ZNF420: variants seen among roughly 807,000 people sequenced by gnomAD.
The protein encoded by ZNF420 is ATM and p53-associated KZNF protein.
In ZNF420, 31 loss-of-function variants were observed where a neutral mutation model predicts 44.7. The observed-to-expected ratio is 0.69, with a 90% CI of 0.52 to 0.94. The LOEUF is 0.94. Ranked by LOEUF, ZNF420 falls within the 40% of genes least tolerant of loss-of-function variation. The pLI, the probability that ZNF420 is intolerant of heterozygous loss-of-function variation, is 0.00. For missense variants in ZNF420, 681 were observed against 827.9 expected, an observed-to-expected ratio of 0.82 and a Z score of 2.18; for synonymous variants, 245 against 267.4, an observed-to-expected ratio of 0.92 and a Z score of 0.82.
At chr19:37,120,367 A>G (rs1268313972) in intron 4 of ZNF420, among the ~76,000 whole-genome samples, 1 of 151,868 alleles carries the variant, frequency 6.6e-6, no homozygotes, top group African/African-American at 2.4e-5. Flanking sequence ...AACCAAAGAC[A>G]AAAACCACAT....
In ZNF420 at chr19:37,124,658, G is replaced by GT. The variant is rs58942754; in HGVS notation, c.137-2460dup. On this transcript the variant is annotated intron_variant, in intron 4 of 4. Coordinates refer to ENST00000337995, the MANE Select transcript of ZNF420 (RefSeq NM_144689.5). ...ACTCCTTCCCTTATATTGGATAATT[G>GT]TTTTTTTTTTCTTTTTCTTTTTTTA... 7.0e-4 allele frequency among the ~76,000 whole-genome samples: 105 copies of GT among 149,924 alleles called. No homozygotes were observed. The South Asian group carries it at 9.7e-3, about 14-fold the overall frequency.
intron 1 of ZNF420, among the ~76,000 whole-genome samples, chr19:37,031,380 G>C (rs556251833): frequency 1.1e-3 from 163 of 152,256 alleles, no homozygotes; most frequent in African/African-American, 3.9e-3. Context: ...GAAGTCCTCT[G>C]TATGCCCCTA....
intron 1 of ZNF420, chr19:37,008,219 G>C (rs1360230646): frequency 1.8e-5 from 5 of 279,492 alleles, no homozygotes; most frequent in Admixed American, 1.0e-4. Context: ...TGGGGCGGGC[G>C]GGGGGGGATG....
At chr19:37,022,913 G>A (rs2074660359) in intron 1 of ZNF420, among the ~76,000 whole-genome samples, 2 of 152,114 alleles carry the variant, frequency 1.3e-5, no homozygotes, top group African/African-American at 4.8e-5. Flanking sequence ...CGAAGCAAGC[G>A]GATCACAAGG....
chr19:37,071,293 A>G (rs1434520065), intron 1 of ZNF420, among the ~76,000 whole-genome samples: 3 of 152,236 alleles, frequency 2.0e-5, no homozygotes, highest in African/African-American at 7.2e-5. Flanking sequence ...CAGGAACATA[A>G]TGTTGACAAA....
chr19:37,012,764 C>CTGTGTGTGTGTGTG (rs759249724), intron 1 of ZNF420, among the ~76,000 whole-genome samples: 21 of 132,368 alleles, frequency 1.6e-4, no homozygotes, highest in African/African-American at 5.8e-4. Flanking sequence ...TGCTATATGT[C>CTGTGTGTGTGTGTG]TCTGTGTGTG....
intron 4 of ZNF420, among the ~76,000 whole-genome samples, chr19:37,097,947 G>C (rs1439833138): frequency 2.6e-5 from 4 of 152,086 alleles, no homozygotes; most frequent in Non-Finnish European, 5.9e-5. Context: ...TTCAACAACA[G>C]TTATGTACGA....
intron 3 of ZNF420, among the ~76,000 whole-genome samples, chr19:37,090,062 AAGAG>A (rs2146534108): frequency 6.6e-6 from 1 of 152,346 alleles, no homozygotes; most frequent in African/African-American, 2.4e-5. Context: ...TTAAATAATG[AAGAG>A]AGAAACTTAC....
In ZNF420 at chr19:37,115,434, G is replaced by C. The variant is rs537137010; in HGVS notation, c.137-11694G>C. On this transcript the variant is annotated intron_variant, in intron 4 of 4. Transcript: ENST00000337995. Reference sequence around the variant, plus strand: ...GATGTGGCAGGACCGTAGGGTAATAGTGGGGAGAGGGTCAGCAGGAAAACA... The same window carrying C: ...GATGTGGCAGGACCGTAGGGTAATACTGGGGAGAGGGTCAGCAGGAAAACA... 3.9e-5 allele frequency among the ~76,000 whole-genome samples: 6 copies of C among 152,164 alleles called. No individual in the cohort carries two copies. In the East Asian group the frequency reaches 1.2e-3, roughly 30 times the overall value.
At chr19:37,018,586 T>G (rs896630422) in intron 1 of ZNF420, among the ~76,000 whole-genome samples, 2 of 152,218 alleles carry the variant, frequency 1.3e-5, no homozygotes, top group African/African-American at 4.8e-5. Flanking sequence ...TTGTTTGTTT[T>G]TTTGAGACAG....
At chr19:37,101,614 TGTA>T (rs1218183673) in intron 4 of ZNF420, among the ~76,000 whole-genome samples, 1 of 152,266 alleles carries the variant, frequency 6.6e-6, no homozygotes, top group East Asian at 1.9e-4. Context: ...CCCTTGAGCC[TGTA>T]ACCACTGCAT....
intron 4 of ZNF420, among the ~76,000 whole-genome samples, chr19:37,099,529 T>A (rs1326978648): frequency 6.6e-6 from 1 of 152,204 alleles, no homozygotes; most frequent in African/African-American, 2.4e-5. Context: ...ATTATTTGTT[T>A]TTTTGCTGTT....
chr19:37,087,253 C>T (rs888962098), intron 2 of ZNF420, among the ~76,000 whole-genome samples: 1 of 149,052 alleles, frequency 6.7e-6, no homozygotes, highest in South Asian at 2.1e-4. Context: ...CCACTGCACT[C>T]CAGCTTGGTT....
chr19:37,117,987 C>T (rs555221816), intron 4 of ZNF420, among the ~76,000 whole-genome samples: 1 of 152,180 alleles, frequency 6.6e-6, no homozygotes, highest in Non-Finnish European at 1.5e-5. Context: ...AAGACCAAAT[C>T]TATGTCTGAT....
chr19:37,026,323 C>CTT (rs74174444), intron 1 of ZNF420, among the ~76,000 whole-genome samples: 38 of 138,156 alleles, frequency 2.8e-4, no homozygotes, highest in South Asian at 4.7e-4. Context: ...ATGCCCGGCT[C>CTT]TTTTTTTTTT....
At chr19:37,034,521 T>G (rs1967319280) in intron 1 of ZNF420, among the ~76,000 whole-genome samples, 1 of 152,234 alleles carries the variant, frequency 6.6e-6, no homozygotes, top group South Asian at 2.1e-4. Flanking sequence ...TTTTTTCTTT[T>G]GTTGCCCACA....
upstream of ZNF420, among the ~76,000 whole-genome samples, chr19:37,073,965 G>T (rs913021488): frequency 6.6e-6 from 1 of 151,982 alleles, no homozygotes; most frequent in Non-Finnish European, 1.5e-5. Context: ...GAGCCATAGT[G>T]ATATTCAAAA....
intron 1 of ZNF420, among the ~76,000 whole-genome samples, chr19:37,019,960 G>A (rs945562916): frequency 7.9e-5 from 12 of 151,964 alleles, no homozygotes; most frequent in African/African-American, 2.4e-4. Flanking sequence ...GCTCACGCCT[G>A]TAATCTCAGC....
chr19:37,116,549 C>G (rs1209071144), intron 4 of ZNF420, among the ~76,000 whole-genome samples: 1 of 152,108 alleles, frequency 6.6e-6, no homozygotes, highest in African/African-American at 2.4e-5. Flanking sequence ...CGGGTGATTT[C>G]TGCATTTCCA....
Sources: allele counts gnomAD v4.1 joint callset (sites outside exome capture counted in the v4.1 genomes callset), GRCh38; gene constraint gnomAD v4.1.1; transcripts MANE v1.5; gene names NCBI Gene and HGNC (gene_info 2026-07-23, HGNC 2026-07-21).